Variants in CCNI2 observed in about 807,000 individuals in gnomAD.
The protein encoded by CCNI2 is cyclin I family member 2.
In CCNI2, 32 loss-of-function variants were observed where a neutral mutation model predicts 33.2. The observed-to-expected ratio is 0.96, with a 90% CI of 0.73 to 1.30. The LOEUF (loss-of-function observed/expected upper bound fraction) is 1.30. CCNI2 is among the 50% of genes most tolerant of loss of function. CCNI2 has a pLI of 0.00. For synonymous variants in CCNI2, 231 were observed against 219.9 expected, an observed-to-expected ratio of 1.05 and a Z score of -0.45; for missense variants, 452 against 486.2, an observed-to-expected ratio of 0.93 and a Z score of 0.66.
chr5:132,754,279 T>C lies in CCNI2; in HGVS notation c.*1309T>C. 1 of 645,750 alleles carries C rather than the reference T, an allele frequency of 1.5e-6. No homozygotes were observed. Among genetic ancestry groups the C allele is most frequent in the Non-Finnish European group, 2.8e-6 (1 of 352,128 alleles). 40.0% of individuals were successfully genotyped at this position (645,750 alleles called of 1,614,324 possible). On this transcript the variant is annotated 3_prime_UTR_variant, in exon 6 of 6. Coordinates refer to ENST00000378731, the MANE Select transcript of CCNI2 (RefSeq NM_001039780.4). ...GAACTCTCCTCTAGTCCAGAACCCA[T>C]TTTACAGATGGAGATGCTGAGGCCA... is the stretch of plus-strand genomic sequence containing the variant.
intron 5 of CCNI2, 23 bp downstream of exon 5, chr5:132,752,219 A>G: frequency 6.5e-7 from 1 of 1,547,132 alleles, no homozygotes; most frequent in Non-Finnish European, 8.7e-7. Flanking sequence ...TTTGCCCCAG[A>G]CCAGGCTCTG....
chr5:132,752,771 G>A lies in CCNI2; in HGVS notation c.1006-95G>A, dbSNP rs1754964757. The A allele has an allele frequency of 2.8e-6, 3 of 1,053,304 alleles. No individual in the cohort carries two copies. The South Asian group carries it at 4.3e-5, about 15-fold the overall frequency. 65.2% of individuals were successfully genotyped at this position (1,053,304 alleles called of 1,614,324 possible). A position where few individuals can be genotyped will look rare whatever the true frequency, so the allele number is the denominator to read the frequency against. On this transcript the variant is annotated intron_variant, in intron 5 of 5. Transcript: ENST00000378731. ...CTTAGTTGGGTGGTTGGACCTTCCTGAACTTGCTTCATGCTAACATTTTGG... is the reference window on the plus strand; with the variant it reads ...CTTAGTTGGGTGGTTGGACCTTCCTAAACTTGCTTCATGCTAACATTTTGG...
Position 132,747,971 on chromosome 5 carries a change from G to T in CCNI2, c.429+47G>T. 4.4e-6 allele frequency: 6 copies of T among 1,355,384 alleles called. No homozygotes were observed. The highest frequency in any genetic ancestry group is 1.8e-5 in the South Asian group (1 of 55,332). The allele number at this position is 1,355,384 out of a possible 1,614,324, so 84.0% of individuals were successfully genotyped here. A position where few individuals can be genotyped will look rare whatever the true frequency, so the allele number is the denominator to read the frequency against. On this transcript the variant is annotated intron_variant, in intron 1 of 5. Transcript: ENST00000378731. This position sits in a 1 kb window ranked among gnomAD's most constrained non-coding sequence, Gnocchi z 4.1. ...CCCTCCTCGCGCGTGCACGGCAGGC[G>T]GATGTGGCCTCCACCTGCACCCGCG...
rs1016120286 is a variant in CCNI2 at position 132,752,966 on chromosome 5, A to C, written c.1106A>C (p.Asn369Thr). ...SCTDNFVSPA[N>T] ...ACAGACAACTTTGTGTCACCTGCCAACTAGCCCCTCTGCCTCCACCCCGGG... is the reference window on the plus strand; with the variant it reads ...ACAGACAACTTTGTGTCACCTGCCACCTAGCCCCTCTGCCTCCACCCCGGG... Residue 369 changes from asparagine (N) to threonine (T), a missense_variant, in exon 6 of 6, where the codon AAC becomes ACC. Transcript: ENST00000378731. The C allele has an allele frequency of 1.2e-6, 2 of 1,613,662 alleles. No individual in the cohort carries two copies. The highest frequency in any genetic ancestry group is 1.7e-6 in the Non-Finnish European group (2 of 1,179,682).
chr5:132,748,570 T>C, intron 2 of CCNI2, 95 bp downstream of exon 2: 1 of 1,498,578 alleles, frequency 6.7e-7, no homozygotes, highest in Non-Finnish European at 9.1e-7. Context: ...TTCCAGATGC[T>C]CAAAACCAAG....
rs1190214848 is a variant in CCNI2, at chr5:132,754,340, C to T, written c.*1370C>T. The T allele has an allele frequency of 8.5e-6, 6 of 708,450 alleles. No homozygotes were observed. Among genetic ancestry groups the T allele is most frequent in the Non-Finnish European group, 1.6e-5 (6 of 380,332 alleles). The allele number at this position is 708,450 out of a possible 1,614,324, so 43.9% of individuals were successfully genotyped here. On this transcript the variant is annotated 3_prime_UTR_variant, in exon 6 of 6. Transcript: ENST00000378731. ...AGCTTCCAGTGGTGGCCGTTGAGTG[C>T]CCTCTGCCTCCTTCCTTCCAGTGTA...
At chr5:132,748,249 C>T in intron 1 of CCNI2, 98 bp from the exon 2 acceptor site, 1 of 1,512,054 alleles carries the variant, frequency 6.6e-7, no homozygotes, top group African/African-American at 1.4e-5. Context: ...TTCTCACTGC[C>T]CCACCCCCCG....
chr5:132,749,146 C>T (rs556618326), intron 2 of CCNI2, among the ~76,000 whole-genome samples: 1 of 152,230 alleles, frequency 6.6e-6, no homozygotes, highest in South Asian at 2.1e-4. Flanking sequence ...GTCCTAGCTA[C>T]TCAGGAGGCT....
intron 3 of CCNI2, 145 bp downstream of exon 3, chr5:132,749,567 C>T: frequency 1.5e-6 from 1 of 672,020 alleles, no homozygotes; most frequent in Non-Finnish European, 2.7e-6. Flanking sequence ...TCTCTGCTAT[C>T]CCTTCCATCG....
chr5:132,754,320 C>T lies in CCNI2; in HGVS notation c.*1350C>T. 1 of 696,638 alleles carries T rather than the reference C, an allele frequency of 1.4e-6. No homozygotes were observed. Among genetic ancestry groups the T allele is most frequent in the Admixed American group, 2.1e-5 (1 of 48,624 alleles). The allele number at this position is 696,638 out of a possible 1,614,324, so 43.2% of individuals were successfully genotyped here. On this transcript the variant is annotated 3_prime_UTR_variant, in exon 6 of 6. Coordinates refer to ENST00000378731, the MANE Select transcript of CCNI2 (RefSeq NM_001039780.4). Reference sequence around the variant, plus strand: ...GCTGAGGCCATGCTGCTCACAGCTTCCAGTGGTGGCCGTTGAGTGCCCTCT... The same window carrying T: ...GCTGAGGCCATGCTGCTCACAGCTTTCAGTGGTGGCCGTTGAGTGCCCTCT...
chr5:132,748,487 T>C lies in CCNI2; in HGVS notation c.558+12T>C. 1 of 1,613,772 alleles carries C rather than the reference T, an allele frequency of 6.2e-7. No homozygotes were observed. The highest frequency in any genetic ancestry group is 1.1e-5 in the South Asian group (1 of 91,066). On this transcript the variant is annotated intron_variant, in intron 2 of 5. Coordinates refer to ENST00000378731, the MANE Select transcript of CCNI2 (RefSeq NM_001039780.4). ...TGATTTCAGTGAAGGTAGGGAGGCCTCTGAGGGACGGTGGCAGATGGTGAG... is the reference window on the plus strand; with the variant it reads ...TGATTTCAGTGAAGGTAGGGAGGCCCCTGAGGGACGGTGGCAGATGGTGAG...
chr5:132,753,137 G>T lies in CCNI2; in HGVS notation c.*167G>T. ...GAGCCCTTGGAAAAAAAATAAAGGGGAGAGGGGAAAGGCAGGCTGAGGTCA... is the reference window on the plus strand; with the variant it reads ...GAGCCCTTGGAAAAAAAATAAAGGGTAGAGGGGAAAGGCAGGCTGAGGTCA... On this transcript the variant is annotated 3_prime_UTR_variant, in exon 6 of 6. Coordinates refer to ENST00000378731, the MANE Select transcript of CCNI2 (RefSeq NM_001039780.4). 1 of 623,570 alleles carries T rather than the reference G, an allele frequency of 1.6e-6. No homozygotes were observed. The highest frequency in any genetic ancestry group is 2.8e-6 in the Non-Finnish European group (1 of 354,542). The allele number at this position is 623,570 out of a possible 1,614,324, so 38.6% of individuals were successfully genotyped here.
At chr5:132,751,524 A>C (rs1442792475) in intron 4 of CCNI2, 2 of 197,034 alleles carry the variant, frequency 1.0e-5, no homozygotes, top group Non-Finnish European at 2.1e-5. Context: ...CAATGTGGAA[A>C]TCTCATGGGG....
In CCNI2 at chr5:132,753,230, AG is replaced by A; in HGVS notation, c.*263del. ...CTTTTTCTCCTCTGGGCCTGAAGCC[AG>A]GGAGTATGAATGAATGTTCAAATGG... On this transcript the variant is annotated 3_prime_UTR_variant, in exon 6 of 6. Transcript: ENST00000378731. The A allele has an allele frequency of 2.1e-6, 1 of 470,662 alleles. No individual in the cohort carries two copies. Among genetic ancestry groups the A allele is most frequent in the Non-Finnish European group, 3.9e-6 (1 of 259,600 alleles). The allele number at this position is 470,662 out of a possible 1,614,324, so 29.2% of individuals were successfully genotyped here.
At chr5:132,749,075 G>A (rs959324176) in intron 2 of CCNI2, among the ~76,000 whole-genome samples, 1 of 152,174 alleles carries the variant, frequency 6.6e-6, no homozygotes, top group Non-Finnish European at 1.5e-5. Context: ...GGCCAGCATG[G>A]TGAAACCCTG....
intron 3 of CCNI2, 50 bp downstream of exon 3, chr5:132,749,472 G>A (rs374934201): frequency 1.1e-5 from 16 of 1,471,618 alleles, no homozygotes; most frequent in South Asian, 9.1e-5. Context: ...GTATAGGGGT[G>A]TAACATTGGA....
rs1241429797 is a variant in CCNI2, at chr5:132,747,772, CCCG to C, written c.286_288del (p.Ala96del). 1 of 1,468,688 alleles carries C rather than the reference CCCG, an allele frequency of 6.8e-7. No homozygotes were observed. Among genetic ancestry groups the C allele is most frequent in the South Asian group, 1.3e-5 (1 of 76,298 alleles). 91.0% of individuals were successfully genotyped at this position (1,468,688 alleles called of 1,614,324 possible). On this transcript the variant is annotated inframe_deletion, in exon 1 of 6. Coordinates refer to ENST00000378731, the MANE Select transcript of CCNI2 (RefSeq NM_001039780.4). This position sits in a 1 kb window ranked among gnomAD's most constrained non-coding sequence, Gnocchi z 4.1. ...AGCCGGGAAAACCGCAGACGCGGTC[CCCG>C]CCGCCGCCCCAGAGCAAGCTCCGCG...
At position 132,747,775 on chromosome 5, in the gene CCNI2, G is replaced by C; in HGVS notation, c.280G>C (p.Ala94Pro). ...PAGKTADAVPAAAPEQAPRPA... is the reference protein window; with the variant it reads ...PAGKTADAVPPAAPEQAPRPA... ...CGGGAAAACCGCAGACGCGGTCCCC[G>C]CCGCCGCCCCAGAGCAAGCTCCGCG... The change falls in exon 1 of 6, where the codon GCC becomes CCC. Residue 94 changes from alanine (A) to proline (P), a missense_variant. Coordinates refer to ENST00000378731, the MANE Select transcript of CCNI2 (RefSeq NM_001039780.4). This position sits in a 1 kb window ranked among gnomAD's most constrained non-coding sequence, Gnocchi z 4.1. 4 of 1,467,684 alleles carry C rather than the reference G, an allele frequency of 2.7e-6. No individual in the cohort carries two copies. The highest frequency in any genetic ancestry group is 1.3e-5 in the South Asian group (1 of 76,318). 90.9% of individuals were successfully genotyped at this position (1,467,684 alleles called of 1,614,324 possible). A position where few individuals can be genotyped will look rare whatever the true frequency, so the allele number is the denominator to read the frequency against.
chr5:132,748,567 T>A, intron 2 of CCNI2, 92 bp downstream of exon 2: 1 of 1,508,412 alleles, frequency 6.6e-7, no homozygotes, highest in South Asian at 1.2e-5. Context: ...GGTTTCCAGA[T>A]GCTCAAAACC....
Sources: gnomAD v4.1 joint callset for allele counts (sites outside exome capture counted in the v4.1 genomes callset) on GRCh38, gnomAD v4.1.1 for gene constraint, Gnocchi (gnomAD v3.1) non-coding constraint, MANE v1.5 for transcripts, NCBI Gene and HGNC (gene_info 2026-07-23, HGNC 2026-07-21) for gene names.